UBE2F: variants seen among roughly 807,000 people sequenced by gnomAD.
The protein encoded by UBE2F is NEDD8-conjugating enzyme UBE2F.
UBE2F carries 5 observed loss-of-function variants against 29.6 expected under a neutral mutation model. The observed-to-expected ratio is 0.17, with a 90% CI of 0.09 to 0.36. UBE2F has a LOEUF of 0.36. UBE2F is among the 10% of genes least tolerant of loss of function. The probability of loss-of-function intolerance (pLI) is 1.00; values close to 1 mark genes in which losing one functional copy is unlikely to be tolerated. For synonymous variants in UBE2F, 66 were observed against 81.8 expected (o/e 0.81, Z 1.04); for missense variants, 141 against 228.5 (o/e 0.62, Z 2.47).
In UBE2F at chr2:237,982,025, G is replaced by A. The variant is rs1414833433; in HGVS notation, c.119-5938G>A. Among the ~76,000 whole-genome samples, 1 of 152,060 alleles carries A rather than the reference G, an allele frequency of 6.6e-6. No homozygotes were observed. Among genetic ancestry groups the A allele is most frequent in the East Asian group, 1.9e-4 (1 of 5,194 alleles). On this transcript the variant is annotated intron_variant, in intron 2 of 9. Coordinates refer to ENST00000272930, the MANE Select transcript of UBE2F (RefSeq NM_080678.3). This position sits in a 1 kb window ranked among gnomAD's most constrained non-coding sequence, Gnocchi z 4.1. ...GAGTTTTAAAAGCTCAGCAGGTACTGGATTGTGGTAATGGATCCATAGCTC... is the reference window on the plus strand; with the variant it reads ...GAGTTTTAAAAGCTCAGCAGGTACTAGATTGTGGTAATGGATCCATAGCTC...
At chr2:238,041,074 C>G (rs917835854) in intron 9 of UBE2F, among the ~76,000 whole-genome samples, 1 of 152,156 alleles carries the variant, frequency 6.6e-6, no homozygotes, top group Non-Finnish European at 1.5e-5. Context: ...CGTGCTCCCC[C>G]CTCAACATAC....
intron 4 of UBE2F, among the ~76,000 whole-genome samples, chr2:237,999,442 A>AT: frequency 6.6e-6 from 1 of 152,104 alleles, no homozygotes; most frequent in South Asian, 2.1e-4. Context: ...CTGTCCAGAA[A>AT]TTTTTGCTTA....
Position 238,032,452 on chromosome 2 carries a change from A to G in UBE2F, c.444+198A>G. 4 of 525,778 alleles carry G rather than the reference A, an allele frequency of 7.6e-6. No individual in the cohort carries two copies. The South Asian group carries it at 1.0e-4, about 13-fold the overall frequency. The allele number at this position is 525,778 out of a possible 1,614,324, so 32.6% of individuals were successfully genotyped here. ...CAGGAGGCCCAAACCCCATCTCTAC[A>G]AAAAATAGAAAAATTAGTTGGGCAT... is the stretch of plus-strand genomic sequence containing the variant. On this transcript the variant is annotated intron_variant, in intron 8 of 9. Coordinates refer to ENST00000272930, the MANE Select transcript of UBE2F (RefSeq NM_080678.3).
Position 238,030,630 on chromosome 2 carries a change from G to C in UBE2F, c.411+17G>C, listed in dbSNP as rs1490418141. ...ACATTAAAGGTAGAGTCTGTGCCTTGATCTTGATCATAAGTTGTCCCTGTG... is the reference window on the plus strand; with the variant it reads ...ACATTAAAGGTAGAGTCTGTGCCTTCATCTTGATCATAAGTTGTCCCTGTG... On this transcript the variant is annotated intron_variant, in intron 7 of 9. Coordinates refer to ENST00000272930, the MANE Select transcript of UBE2F (RefSeq NM_080678.3). The C allele has an allele frequency of 6.2e-7, 1 of 1,604,888 alleles. No homozygotes were observed. The highest frequency in any genetic ancestry group is 8.5e-7 in the Non-Finnish European group (1 of 1,172,042).
At chr2:237,978,743 GGA>G (rs1434561942) in intron 2 of UBE2F, among the ~76,000 whole-genome samples, 3 of 152,292 alleles carry the variant, frequency 2.0e-5, no homozygotes, top group South Asian at 4.1e-4. Flanking sequence ...GGGTCACTGA[GGA>G]GAGAGAGTCA....
intron 2 of UBE2F, among the ~76,000 whole-genome samples, chr2:237,979,318 G>C (rs1318979041): frequency 6.6e-6 from 1 of 152,192 alleles, no homozygotes; most frequent in Admixed American, 6.5e-5. Context: ...TAGGATGCAG[G>C]GGCCTCTCTC....
chr2:237,989,522 T>C (rs1040844930), intron 3 of UBE2F, among the ~76,000 whole-genome samples: 1 of 151,826 alleles, frequency 6.6e-6, no homozygotes, highest in African/African-American at 2.4e-5. Context: ...CAGGCTAATT[T>C]TTGTATTTTT....
intron 5 of UBE2F, among the ~76,000 whole-genome samples, chr2:238,024,569 C>T (rs1171371880): frequency 1.3e-5 from 2 of 152,096 alleles, no homozygotes; most frequent in Admixed American, 1.3e-4. Flanking sequence ...ATCTTAAACC[C>T]TTGGCCTCAA....
rs577699731 is a variant in UBE2F at position 238,005,153 on chromosome 2, G to C, written c.214+10344G>C. Reference sequence around the variant, plus strand: ...ATAGTTTGTGTTTGTTGTGTCCTAAGAAATCTTTGTCTAAGAAATACAAAG... The same window carrying C: ...ATAGTTTGTGTTTGTTGTGTCCTAACAAATCTTTGTCTAAGAAATACAAAG... On this transcript the variant is annotated intron_variant, in intron 4 of 9. Transcript: ENST00000272930. Among the ~76,000 whole-genome samples the C allele has an allele frequency of 5.9e-5, 9 of 152,286 alleles. No individual in the cohort carries two copies. In the South Asian group the frequency reaches 1.7e-3, roughly 28 times the overall value.
chr2:237,988,451 A>G (rs1010664478), intron 3 of UBE2F, among the ~76,000 whole-genome samples: 1 of 151,632 alleles, frequency 6.6e-6, no homozygotes, highest in Non-Finnish European at 1.5e-5. Context: ...CCATCTCAAA[A>G]AAAAAAAAAA....
chr2:238,033,427 C>G (rs933360410), intron 8 of UBE2F, among the ~76,000 whole-genome samples: 6 of 152,112 alleles, frequency 3.9e-5, no homozygotes, highest in Non-Finnish European at 8.8e-5. Flanking sequence ...TTGATAAAAC[C>G]TAAGGTGCCT....
intron 9 of UBE2F, 57 bp downstream of exon 9, chr2:238,035,997 A>G: frequency 6.9e-7 from 1 of 1,441,900 alleles, no homozygotes; most frequent in Non-Finnish European, 9.7e-7. Context: ...CACGATTACT[A>G]CTGTCTCTTG....
At position 238,038,314 on chromosome 2, in the gene UBE2F, G is replaced by T. The variant is rs532475798; in HGVS notation, c.507+2374G>T. Among the ~76,000 whole-genome samples, 22 of 152,370 alleles carry T rather than the reference G, an allele frequency of 1.4e-4. No individual in the cohort carries two copies. In the East Asian group the frequency reaches 4.1e-3, roughly 28 times the overall value. ...TCCTCAAGAGAAGTAGCAGGGGTGT[G>T]AGGCAGCCCTGTGCTCACAGCTCCC... On this transcript the variant is annotated intron_variant, in intron 9 of 9. Transcript: ENST00000272930.
chr2:237,971,003 A>G (rs2063166250), intron 1 of UBE2F, among the ~76,000 whole-genome samples: 1 of 152,362 alleles, frequency 6.6e-6, no homozygotes, highest in Admixed American at 6.5e-5. Flanking sequence ...ATGAGCCACC[A>G]TGCCTGGCCT....
chr2:238,014,007 A>G (rs1277831307), intron 4 of UBE2F, among the ~76,000 whole-genome samples: 2 of 152,208 alleles, frequency 1.3e-5, no homozygotes, highest in Admixed American at 6.5e-5. Flanking sequence ...GACATTCTCA[A>G]TGAGTCCACT....
chr2:238,013,712 G>A (rs1204221228), intron 4 of UBE2F, among the ~76,000 whole-genome samples: 2 of 152,150 alleles, frequency 1.3e-5, no homozygotes, highest in African/African-American at 4.8e-5. Flanking sequence ...TAATCTTGAA[G>A]ACACTGGAGT....
intron 2 of UBE2F, 136 bp from the exon 3 acceptor site, chr2:237,987,827 T>C (rs1296043436): frequency 3.4e-6 from 2 of 583,140 alleles, no homozygotes; most frequent in African/African-American, 2.0e-5. Flanking sequence ...GTCTAAACTT[T>C]AGACCAGGTT....
At chr2:238,023,684 A>G (rs558502904) in intron 5 of UBE2F, among the ~76,000 whole-genome samples, 18 of 152,322 alleles carry the variant, frequency 1.2e-4, no homozygotes, top group Non-Finnish European at 2.5e-4. Context: ...CAAAGGTTTG[A>G]TTCCTTTTTG....
chr2:237,984,058 T>TCCCTACTCCTCCTCTTCCTGCCCCTC (rs1559204026), intron 2 of UBE2F, among the ~76,000 whole-genome samples: 3 of 149,122 alleles, frequency 2.0e-5, no homozygotes, highest in African/African-American at 7.5e-5. Context: ...TCTTACCCCT[T>TCCCTACTCCTCCTCTTCCTGCCCCTC]CCCTACTCCT....
Sources: allele counts gnomAD v4.1 joint callset (sites outside exome capture counted in the v4.1 genomes callset), GRCh38; gene constraint gnomAD v4.1.1; non-coding constraint Gnocchi (gnomAD v3.1); transcripts MANE v1.5; gene names NCBI Gene and HGNC (gene_info 2026-07-23, HGNC 2026-07-21).